The following ARHGAP26 variants were observed in gnomAD, a reference collection of about 807,000 sequenced individuals.
The protein encoded by ARHGAP26 is Rho GTPase activating protein 26.
A neutral mutation model predicts 104.8 loss-of-function variants in ARHGAP26; 38 were observed. The observed-to-expected ratio is 0.36, with a 90% CI of 0.28 to 0.48. The LOEUF is 0.48. Among genes scored for constraint, ARHGAP26 ranks in the 20% least tolerant of loss-of-function variants. ARHGAP26 has a pLI of 0.99. For synonymous variants in ARHGAP26, 341 were observed against 340.0 expected (o/e 1.00, Z -0.03); for missense variants, 704 against 947.9 (o/e 0.74, Z 3.38).
At chr5:143,213,664 C>G (rs1221649223) in intron 21 of ARHGAP26, among the ~76,000 whole-genome samples, 1 of 152,202 alleles carries the variant, frequency 6.6e-6, no homozygotes, top group Non-Finnish European at 1.5e-5. Context: ...CTCCCTTCCC[C>G]CAAGGCACTC....
intron 1 of ARHGAP26, among the ~76,000 whole-genome samples, chr5:142,782,004 T>G (rs1411060513): frequency 6.6e-6 from 1 of 152,200 alleles, no homozygotes; most frequent in Non-Finnish European, 1.5e-5. Context: ...CATGAGCCAC[T>G]GCGCCTGGCC....
chr5:143,109,411 C>T (rs576906216), intron 17 of ARHGAP26, among the ~76,000 whole-genome samples: 8 of 152,174 alleles, frequency 5.3e-5, no homozygotes, highest in African/African-American at 1.9e-4. Context: ...GGGTTTTATG[C>T]TAGCTTGTAA....
At chr5:142,937,412 T>A (rs1056535296) in intron 11 of ARHGAP26, among the ~76,000 whole-genome samples, 6 of 152,220 alleles carry the variant, frequency 3.9e-5, no homozygotes, top group Non-Finnish European at 8.8e-5. Context: ...CCGGCAAGGA[T>A]GCAGAGAAAC....
intron 20 of ARHGAP26, among the ~76,000 whole-genome samples, chr5:143,159,940 CAT>C (rs1009124291): frequency 6.9e-5 from 10 of 144,894 alleles, no homozygotes; most frequent in Non-Finnish European, 1.4e-4. Flanking sequence ...TTTTTTTTTA[CAT>C]GTGTGTGCAT....
intron 17 of ARHGAP26, among the ~76,000 whole-genome samples, chr5:143,093,994 A>G (rs6898278): frequency 0.78 from 118,316 of 152,076 alleles, 49,263 homozygotes; most frequent in Non-Finnish European, 0.93. Flanking sequence ...ACGCCCCCCC[A>G]TGGGGATTTC....
In ARHGAP26 at chr5:143,154,201, T is replaced by C. The variant is rs143848083; in HGVS notation, c.1988+6820T>C. Among the ~76,000 whole-genome samples, 5 of 151,850 alleles carry C rather than the reference T, an allele frequency of 3.3e-5. No individual in the cohort carries two copies. The East Asian group carries it at 9.7e-4, about 29-fold the overall frequency. On this transcript the variant is annotated intron_variant, in intron 20 of 22. Transcript: ENST00000645722. ...GTTTCTGCTTTCATGGATTTTATAT[T>C]CTAGTGGAGACAGGAGATAAATCAG...
chr5:142,988,836 T>G (rs1775164208), intron 11 of ARHGAP26, among the ~76,000 whole-genome samples: 1 of 152,246 alleles, frequency 6.6e-6, no homozygotes, highest in South Asian at 2.1e-4. Context: ...TCTAGTTTGA[T>G]TGCATTGTGG....
intron 1 of ARHGAP26, among the ~76,000 whole-genome samples, chr5:142,777,558 G>A (rs528654198): frequency 1.3e-5 from 2 of 152,334 alleles, no homozygotes; most frequent in African/African-American, 2.4e-5. Flanking sequence ...TTCTGAGTGA[G>A]CCTCGTTTTA....
intron 11 of ARHGAP26, among the ~76,000 whole-genome samples, chr5:142,934,309 TC>T (rs1483027947): frequency 6.6e-6 from 1 of 152,222 alleles, no homozygotes; most frequent in Non-Finnish European, 1.5e-5. Flanking sequence ...ATCTTCTTGC[TC>T]CAGAATGTAC....
In ARHGAP26 at chr5:143,079,931, C is replaced by T. The variant is rs143765674; in HGVS notation, c.1538+22184C>T. On this transcript the variant is annotated intron_variant, in intron 17 of 22. Transcript: ENST00000645722. ...ATGGTCTTCTCCCTCTTTAAAAGAC[C>T]AAGCCAGCTGTCACATAGCTCCAGA... 2.8e-3 allele frequency among the ~76,000 whole-genome samples: 426 copies of T among 152,244 alleles called. 2 individuals carry two copies. Among genetic ancestry groups the T allele is most frequent in the African/African-American group, 9.6e-3 (399 of 41,542 alleles).
intron 1 of ARHGAP26, among the ~76,000 whole-genome samples, chr5:142,792,621 A>G (rs1270268611): frequency 1.3e-5 from 2 of 152,188 alleles, no homozygotes; most frequent in East Asian, 1.9e-4. Context: ...TGCCAAATGT[A>G]GAAATCTCTA....
intron 1 of ARHGAP26, among the ~76,000 whole-genome samples, chr5:142,839,604 CAA>C (rs759312773): frequency 5.3e-5 from 8 of 151,922 alleles, no homozygotes; most frequent in Non-Finnish European, 1.2e-4. Context: ...TGAGGTAGAC[CAA>C]AGAGAGACCT....
chr5:142,972,476 T>A lies in ARHGAP26; in HGVS notation c.1107+40351T>A, dbSNP rs189203153. 2.5e-3 allele frequency among the ~76,000 whole-genome samples: 383 copies of A among 152,264 alleles called. 9 individuals carry two copies. The East Asian group carries it at 0.042, about 17-fold the overall frequency. ...GGGGCCTTTTTTTGTTTTGTTTTTTTAATACAGGCTTAAATTAATCCCAAA... is the reference window on the plus strand; with the variant it reads ...GGGGCCTTTTTTTGTTTTGTTTTTTAAATACAGGCTTAAATTAATCCCAAA... On this transcript the variant is annotated intron_variant, in intron 11 of 22. Transcript: ENST00000645722.
intron 1 of ARHGAP26, among the ~76,000 whole-genome samples, chr5:142,789,154 A>G (rs1397235300): frequency 5.3e-5 from 8 of 152,216 alleles, no homozygotes; most frequent in Non-Finnish European, 1.5e-5. Flanking sequence ...ACTTGGGAGC[A>G]TTGGAAGAGT....
intron 3 of ARHGAP26, among the ~76,000 whole-genome samples, chr5:142,876,566 G>C (rs1756123716): frequency 6.7e-6 from 1 of 149,970 alleles, no homozygotes; most frequent in African/African-American, 2.5e-5. Context: ...GCTTGAGCCT[G>C]GGAGTTCAAG....
At chr5:142,961,857 A>G (rs926497828) in intron 11 of ARHGAP26, among the ~76,000 whole-genome samples, 3 of 152,168 alleles carry the variant, frequency 2.0e-5, no homozygotes, top group East Asian at 3.8e-4. Context: ...CTCACTCTTC[A>G]TATTTTTCCT....
At chr5:143,177,628 C>T (rs575161805) in intron 20 of ARHGAP26, among the ~76,000 whole-genome samples, 2 of 152,182 alleles carry the variant, frequency 1.3e-5, no homozygotes, top group Admixed American at 6.5e-5. Context: ...TCAGGAATAA[C>T]AATAATACTA....
intron 6 of ARHGAP26, among the ~76,000 whole-genome samples, chr5:142,897,782 A>G (rs1759687912): frequency 6.6e-6 from 1 of 152,234 alleles, no homozygotes; most frequent in Non-Finnish European, 1.5e-5. Flanking sequence ...TCAGATGAAG[A>G]AATTGAAACA....
chr5:142,977,168 T>G (rs1305893277), intron 11 of ARHGAP26, among the ~76,000 whole-genome samples: 3 of 152,212 alleles, frequency 2.0e-5, no homozygotes, highest in African/African-American at 4.8e-5. Context: ...GATTCTGGGC[T>G]GGCAGAAAGA....
Sources: allele counts gnomAD v4.1 joint callset (sites outside exome capture counted in the v4.1 genomes callset), GRCh38; gene constraint gnomAD v4.1.1; transcripts MANE v1.5; gene names NCBI Gene and HGNC (gene_info 2026-07-23, HGNC 2026-07-21).